Variants in EXOC2 observed in about 807,000 individuals in gnomAD.
The protein encoded by EXOC2 is SEC5-like 1.
Under a neutral mutation model 131.8 loss-of-function variants are expected in EXOC2, and 70 were observed. That is an observed-to-expected ratio of 0.53 (90% CI 0.44 to 0.65). The LOEUF (loss-of-function observed/expected upper bound fraction) is 0.65, where lower values mean the gene tolerates loss of function less well. EXOC2 is among the 30% of genes least tolerant of loss of function. The probability of loss-of-function intolerance (pLI) is 0.00; values close to 1 mark genes in which losing one functional copy is unlikely to be tolerated. For synonymous variants in EXOC2, 411 were observed against 398.4 expected (o/e 1.03, Z -0.38); for missense variants, 923 against 1,108.6 (o/e 0.83, Z 2.38).
rs1168081875 is a variant in EXOC2, at chr6:629,908, G to A, written c.349C>T (p.Arg117Cys). The A allele has an allele frequency of 6.2e-6, 10 of 1,613,954 alleles. No individual in the cohort carries two copies. The highest frequency in any genetic ancestry group is 3.3e-5 in the Admixed American group (2 of 60,004). ...WVDEMNYYDM[R>C]TDRNKGIPPL... is the part of the protein sequence containing the mutation. ...GGAATTCCTTTGTTCCTGTCAGTGC[G>A]CATATCATAATAATTCATTTCATCA... The change falls in exon 4 of 28, where the codon CGC becomes TGC. Residue 117 changes from arginine to cysteine, a missense_variant. Coordinates refer to ENST00000230449, the MANE Select transcript of EXOC2 (RefSeq NM_018303.6).
In EXOC2 at chr6:488,971, G is replaced by C. The variant is rs757177718; in HGVS notation, c.2681+8C>G. The stretch of plus-strand genomic sequence containing the variant: ...AACTGGCTCCTAAGAACAGCACACA[G>C]GACTTACTTTTTATCTGCTCCACTG... On this transcript the variant is annotated splice_region_variant and intron_variant, in intron 27 of 27. Transcript: ENST00000230449. 3 of 1,613,866 alleles carry C rather than the reference G, an allele frequency of 1.9e-6. No individual in the cohort carries two copies. In the South Asian group the frequency reaches 3.3e-5, roughly 18 times the overall value.
intron 22 of EXOC2, among the ~76,000 whole-genome samples, chr6:544,712 A>G (rs888774631): frequency 2.6e-4 from 39 of 152,218 alleles, no homozygotes; most frequent in Non-Finnish European, 1.0e-4. Context: ...AACATGTAAA[A>G]TACAGTACAT....
At chr6:677,669 A>G (rs1764206171) in intron 1 of EXOC2, among the ~76,000 whole-genome samples, 1 of 152,098 alleles carries the variant, frequency 6.6e-6, no homozygotes, top group Non-Finnish European at 1.5e-5. Context: ...GGGTTTCACC[A>G]TGTTGGTCGG....
chr6:691,817 G>A (rs890682787), intron 1 of EXOC2, among the ~76,000 whole-genome samples: 1 of 152,226 alleles, frequency 6.6e-6, no homozygotes, highest in Non-Finnish European at 1.5e-5. Flanking sequence ...GTTGGTCCAA[G>A]TCACACTGGG....
At position 558,283 on chromosome 6, in the gene EXOC2, G is replaced by C. The variant is rs775021599; in HGVS notation, c.1852-1719C>G. ...ATTTCTGCACTTTGAAACCACCAGA[G>C]GGCATTATAAAGAATACTTAAAAGT... On this transcript the variant is annotated intron_variant, in intron 17 of 27. Coordinates refer to ENST00000230449, the MANE Select transcript of EXOC2 (RefSeq NM_018303.6). 1.4e-3 allele frequency among the ~76,000 whole-genome samples: 206 copies of C among 152,156 alleles called. 1 individual carries two copies. Among genetic ancestry groups the C allele is most frequent in the East Asian group, 4.8e-3 (25 of 5,190 alleles).
At chr6:496,227 G>C (rs368193200) in intron 25 of EXOC2, among the ~76,000 whole-genome samples, 2 of 152,134 alleles carry the variant, frequency 1.3e-5, no homozygotes, top group Non-Finnish European at 2.9e-5. Context: ...GGAATAAGTC[G>C]TGTTTTCCCA....
intron 11 of EXOC2, among the ~76,000 whole-genome samples, chr6:581,847 T>C (rs1286654654): frequency 3.3e-5 from 5 of 152,190 alleles, no homozygotes; most frequent in African/African-American, 7.2e-5. Flanking sequence ...ACTGCTTCTA[T>C]AACATATGCT....
At chr6:522,849 C>A (rs181010127) in intron 23 of EXOC2, among the ~76,000 whole-genome samples, 36 of 152,280 alleles carry the variant, frequency 2.4e-4, no homozygotes, top group Middle Eastern at 3.4e-3. Context: ...TAGCAATGGC[C>A]CAGTGTAGAC....
chr6:655,952 C>G, intron 1 of EXOC2: 3 of 596,812 alleles, frequency 5.0e-6, no homozygotes, highest in Non-Finnish European at 5.9e-6. Context: ...TTTACCAATG[C>G]TTTAATATAA....
At chr6:639,596 A>T (rs1295448078) in intron 1 of EXOC2, among the ~76,000 whole-genome samples, 6 of 152,206 alleles carry the variant, frequency 3.9e-5, no homozygotes, top group Non-Finnish European at 2.9e-5. Flanking sequence ...TCCTAGGAAA[A>T]TAAGACCCAA....
chr6:571,355 T>C (rs1014768611), intron 13 of EXOC2, among the ~76,000 whole-genome samples: 6 of 152,248 alleles, frequency 3.9e-5, no homozygotes, highest in Non-Finnish European at 8.8e-5. Flanking sequence ...ATTTCTGTTT[T>C]TATGCACATA....
At chr6:635,674 C>CT (rs1285020441) in intron 2 of EXOC2, among the ~76,000 whole-genome samples, 2 of 150,488 alleles carry the variant, frequency 1.3e-5, no homozygotes, top group Non-Finnish European at 3.0e-5. Flanking sequence ...GTTAAAAACA[C>CT]TTAAATTATT....
chr6:531,757 T>C (rs1310354998), intron 23 of EXOC2, among the ~76,000 whole-genome samples: 1 of 152,236 alleles, frequency 6.6e-6, no homozygotes, highest in African/African-American at 2.4e-5. Flanking sequence ...CCGTGTCCGA[T>C]ACCAGCATGA....
intron 11 of EXOC2, among the ~76,000 whole-genome samples, chr6:581,039 A>G (rs1758863046): frequency 6.6e-6 from 1 of 151,854 alleles, no homozygotes; most frequent in Non-Finnish European, 1.5e-5. Context: ...CATGCCTGTA[A>G]TCCCAGCACT....
At chr6:692,737 C>T (rs1485528049) in intron 1 of EXOC2, among the ~76,000 whole-genome samples, 1 of 152,242 alleles carries the variant, frequency 6.6e-6, no homozygotes, top group East Asian at 1.9e-4. Context: ...GGAGTCAGCC[C>T]TCTGCAGCCC....
At chr6:502,154 A>G (rs1203324729) in intron 23 of EXOC2, among the ~76,000 whole-genome samples, 1 of 152,176 alleles carries the variant, frequency 6.6e-6, no homozygotes, top group Non-Finnish European at 1.5e-5. Context: ...CAGGTAACAT[A>G]CATACTTACT....
chr6:633,657 T>C (rs1443386323), intron 2 of EXOC2, among the ~76,000 whole-genome samples: 3 of 152,236 alleles, frequency 2.0e-5, no homozygotes, highest in East Asian at 1.9e-4. Context: ...TCAGGTAATC[T>C]AGTGAAGTGT....
intron 23 of EXOC2, among the ~76,000 whole-genome samples, chr6:530,498 A>G (rs1232702388): frequency 6.6e-6 from 1 of 152,206 alleles, no homozygotes; most frequent in Non-Finnish European, 1.5e-5. Flanking sequence ...CTGCTCTGGG[A>G]GCATCACGAA....
At chr6:544,281 T>C (rs1287890513) in intron 22 of EXOC2, among the ~76,000 whole-genome samples, 2 of 152,186 alleles carry the variant, frequency 1.3e-5, no homozygotes, top group South Asian at 2.1e-4. Context: ...GTACTTTCTG[T>C]ATTGGGGAGG....
Sources: allele counts gnomAD v4.1 joint callset (sites outside exome capture counted in the v4.1 genomes callset), GRCh38; gene constraint gnomAD v4.1.1; transcripts MANE v1.5; gene names NCBI Gene and HGNC (gene_info 2026-07-23, HGNC 2026-07-21).